Variants in ARHGEF12 observed in about 807,000 individuals in gnomAD.
ARHGEF12 encodes KMT2A/ARHGEF12 fusion protein.
Under a neutral mutation model 211.2 loss-of-function variants are expected in ARHGEF12, and 66 were observed. That is an observed-to-expected ratio of 0.31 (90% CI 0.26 to 0.38). The LOEUF is 0.38. Ranked by LOEUF, ARHGEF12 falls within the 10% of genes least tolerant of loss-of-function variation. The probability of loss-of-function intolerance (pLI) is 1.00; values close to 1 mark genes in which losing one functional copy is unlikely to be tolerated. For synonymous variants in ARHGEF12, 592 were observed against 638.4 expected (o/e 0.93, Z 1.09); for missense variants, 1,429 against 1,869.5 (o/e 0.76, Z 4.34).
At chr11:120,395,056 C>CAAAAAAAAAAAAA (rs758953056) in intron 1 of ARHGEF12, among the ~76,000 whole-genome samples, 3 of 34,586 alleles carry the variant, frequency 8.7e-5, no homozygotes, top group Admixed American at 2.9e-4. Context: ...GACTCTATCT[C>CAAAAAAAAAAAAA]AAAAAAAAAA....
chr11:120,484,633 G>A (rs1443184476), intron 40 of ARHGEF12, 126 bp downstream of exon 40: 1 of 846,876 alleles, frequency 1.2e-6, no homozygotes, highest in Admixed American at 2.7e-5. Context: ...AGAACTGCCT[G>A]TTTCTAAACA....
rs752774347 is a variant in ARHGEF12, at chr11:120,477,438, T to TC, written c.3453-8dup. On this transcript the variant is annotated splice_polypyrimidine_tract_variant and intron_variant, in intron 35 of 40. Transcript: ENST00000397843. ...GTAAAAGTTTTTTTTTTTTTTTTTT[T>TC]CTCTACAGAGGAGATAATGATGAAG... 13 of 1,571,646 alleles carry TC rather than the reference T, an allele frequency of 8.3e-6. No individual in the cohort carries two copies. The South Asian group carries it at 1.1e-4, about 13-fold the overall frequency.
chr11:120,380,086 A>T (rs1053109517), intron 1 of ARHGEF12, among the ~76,000 whole-genome samples: 2 of 152,218 alleles, frequency 1.3e-5, no homozygotes, highest in Non-Finnish European at 2.9e-5. Flanking sequence ...CTTTGTGGAA[A>T]TGTTTTCAAC....
At chr11:120,470,986 G>A (rs181541966) in intron 30 of ARHGEF12, among the ~76,000 whole-genome samples, 191 of 152,278 alleles carry the variant, frequency 1.3e-3, no homozygotes, top group African/African-American at 4.1e-3. Flanking sequence ...TGGTATAGAT[G>A]AGCTGGCATA....
intron 1 of ARHGEF12, among the ~76,000 whole-genome samples, chr11:120,393,250 T>G (rs1944276435): frequency 8.0e-6 from 1 of 125,430 alleles, no homozygotes; most frequent in South Asian, 2.7e-4. Context: ...AAAAATCAGT[T>G]GATTAAAATA....
Position 120,480,334 on chromosome 11 carries a change from T to G in ARHGEF12, c.4141T>G (p.Phe1381Val). 6.2e-7 allele frequency: 1 copy of G among 1,614,178 alleles called. No individual in the cohort carries two copies. The highest frequency in any genetic ancestry group is 8.5e-7 in the Non-Finnish European group (1 of 1,180,028). The change falls in exon 38 of 41, where the codon TTT becomes GTT. Residue 1381 changes from phenylalanine to valine, a missense_variant. Phe to Val is a conservative substitution (Grantham distance 50). Transcript: ENST00000397843. ...EGGLDDSGEH[F>V]FDAREAHSDE... ...GGGTCTTGATGACAGTGGAGAGCAC[T>G]TTTTTGATGCCCGTGAAGCACATAG...
chr11:120,398,155 T>TA (rs1282527908), intron 1 of ARHGEF12, among the ~76,000 whole-genome samples: 4 of 152,180 alleles, frequency 2.6e-5, no homozygotes, highest in Admixed American at 2.6e-4. Flanking sequence ...GAAAATGTTA[T>TA]AAAAAATATT....
chr11:120,446,883 A>C, intron 17 of ARHGEF12, 65 bp from the exon 18 acceptor site: 1 of 1,558,214 alleles, frequency 6.4e-7, no homozygotes, highest in Non-Finnish European at 8.7e-7. Flanking sequence ...GACTGTGATG[A>C]AGCGTCCCCA....
intron 1 of ARHGEF12, among the ~76,000 whole-genome samples, chr11:120,352,355 G>A (rs1943005954): frequency 6.6e-6 from 1 of 152,064 alleles, no homozygotes; most frequent in African/African-American, 2.4e-5. Flanking sequence ...GAAGTTTAAG[G>A]CCTATCTCAT....
chr11:120,400,075 G>A lies in ARHGEF12; in HGVS notation c.33-6043G>A, dbSNP rs975852187. Among the ~76,000 whole-genome samples, 6 of 152,238 alleles carry A rather than the reference G, an allele frequency of 3.9e-5. 1 individual carries two copies. Among genetic ancestry groups the A allele is most frequent in the Non-Finnish European group, 8.8e-5 (6 of 67,990 alleles). ...ATTTGTATCTTTTGGCAAATGTGTA[G>A]AAAGCAGCCTGTCCTAACAAATTTT... On this transcript the variant is annotated intron_variant, in intron 1 of 40. Coordinates refer to ENST00000397843, the MANE Select transcript of ARHGEF12 (RefSeq NM_015313.3).
At chr11:120,363,466 AC>A (rs1384361782) in intron 1 of ARHGEF12, among the ~76,000 whole-genome samples, 1 of 152,092 alleles carries the variant, frequency 6.6e-6, no homozygotes, top group Admixed American at 6.5e-5. Flanking sequence ...CATTTCCCCC[AC>A]TAGTGTTGCC....
At chr11:120,437,051 A>G (rs1945715754) in intron 11 of ARHGEF12, among the ~76,000 whole-genome samples, 1 of 152,156 alleles carries the variant, frequency 6.6e-6, no homozygotes, top group Admixed American at 6.5e-5. Context: ...GTAGAAAAGT[A>G]ACCTCCAGGC....
In ARHGEF12 at chr11:120,477,436, T is replaced by C. The variant is rs1947075906; in HGVS notation, c.3453-11T>C. 1.3e-6 allele frequency: 2 copies of C among 1,578,942 alleles called. No homozygotes were observed. The highest frequency in any genetic ancestry group is 2.8e-5 in the African/African-American group (2 of 72,648). On this transcript the variant is annotated splice_polypyrimidine_tract_variant and intron_variant, in intron 35 of 40. Transcript: ENST00000397843. ...AGGTAAAAGTTTTTTTTTTTTTTTT[T>C]TTCTCTACAGAGGAGATAATGATGA...
intron 1 of ARHGEF12, among the ~76,000 whole-genome samples, chr11:120,370,349 C>CT (rs1943555533): frequency 6.6e-6 from 1 of 152,132 alleles, no homozygotes; most frequent in Non-Finnish European, 1.5e-5. Flanking sequence ...CTTGGTTTGA[C>CT]TATTTCTGTA....
intron 29 of ARHGEF12, 114 bp downstream of exon 29, chr11:120,467,422 G>T: frequency 1.6e-5 from 7 of 446,204 alleles, no homozygotes; most frequent in Admixed American, 4.3e-5. Context: ...CAAATAGTAT[G>T]ACAAGATTTT....
At chr11:120,437,469 ATTTTATT>A (rs964006540) in intron 12 of ARHGEF12, 87 bp downstream of exon 12, 17 of 901,042 alleles carry the variant, frequency 1.9e-5, no homozygotes, top group African/African-American at 7.0e-5. Context: ...ATGTTTACAT[ATTTTATT>A]TTTTATTTTT....
chr11:120,344,802 T>TA (rs1323811561), intron 1 of ARHGEF12, among the ~76,000 whole-genome samples: 1 of 152,256 alleles, frequency 6.6e-6, no homozygotes, highest in Non-Finnish European at 1.5e-5. Context: ...GACATGTTCT[T>TA]AGTCATTTGC....
intron 1 of ARHGEF12, among the ~76,000 whole-genome samples, chr11:120,383,072 G>A (rs1460166838): frequency 1.3e-5 from 2 of 152,192 alleles, no homozygotes; most frequent in Admixed American, 1.3e-4. Context: ...CCAGGAGGCG[G>A]AGCTTGCAGT....
At chr11:120,420,199 CT>C (rs1294156119) in intron 4 of ARHGEF12, among the ~76,000 whole-genome samples, 6 of 152,258 alleles carry the variant, frequency 3.9e-5, no homozygotes, top group Non-Finnish European at 8.8e-5. Context: ...TGAACTCTTC[CT>C]TTCTCTTCCC....
Sources: allele counts gnomAD v4.1 joint callset (sites outside exome capture counted in the v4.1 genomes callset), GRCh38; gene constraint gnomAD v4.1.1; transcripts MANE v1.5; gene names NCBI Gene and HGNC (gene_info 2026-07-23, HGNC 2026-07-21).